The following ASIC2 variants were observed in gnomAD, a reference collection of about 807,000 sequenced individuals.
The protein encoded by ASIC2 is acid-sensing ion channel 2.
A neutral mutation model predicts 57.3 loss-of-function variants in ASIC2; 25 were observed. The ratio of observed to expected loss-of-function variants is 0.44; its 90% CI spans 0.32 to 0.61. ASIC2 has a LOEUF of 0.61. ASIC2 is among the 20% of genes least tolerant of loss of function. ASIC2 has a pLI of 0.06. For synonymous variants in ASIC2, 319 were observed against 307.5 expected (o/e 1.04, Z -0.39); for missense variants, 641 against 738.1 (o/e 0.87, Z 1.52).
At chr17:33,367,680 G>C (rs1398629326) in intron 1 of ASIC2, among the ~76,000 whole-genome samples, 2 of 152,136 alleles carry the variant, frequency 1.3e-5, no homozygotes, top group African/African-American at 4.8e-5. Flanking sequence ...TCATTAACAG[G>C]CTTGCTTTTC....
intron 1 of ASIC2, among the ~76,000 whole-genome samples, chr17:33,257,525 T>C (rs555493943): frequency 3.0e-4 from 46 of 152,234 alleles, no homozygotes; most frequent in Non-Finnish European, 4.7e-4. Flanking sequence ...AGCATGTTAG[T>C]TTCAGGGGCA....
chr17:33,095,748 G>C (rs1451224957), intron 2 of ASIC2, among the ~76,000 whole-genome samples: 1 of 152,190 alleles, frequency 6.6e-6, no homozygotes, highest in Non-Finnish European at 1.5e-5. Context: ...AGTCTGCCTG[G>C]ACCATCCCCT....
intron 1 of ASIC2, among the ~76,000 whole-genome samples, chr17:33,354,393 C>T (rs1908298774): frequency 6.6e-6 from 1 of 152,162 alleles, no homozygotes; most frequent in Admixed American, 6.5e-5. Context: ...AACTGGTCTT[C>T]TCACCTCCAC....
chr17:33,597,980 T>TATC (rs1459228513), intron 1 of ASIC2, among the ~76,000 whole-genome samples: 1 of 152,240 alleles, frequency 6.6e-6, no homozygotes, highest in African/African-American at 2.4e-5. Flanking sequence ...TCTCCGAATG[T>TATC]ATCTATTTTA....
intron 1 of ASIC2, among the ~76,000 whole-genome samples, chr17:33,163,148 G>A (rs1905209366): frequency 6.6e-6 from 1 of 152,186 alleles, no homozygotes; most frequent in African/African-American, 2.4e-5. Flanking sequence ...GTGGGGGAAA[G>A]CCCCAACTCT....
At chr17:33,748,340 T>C (rs1194272885) in intron 1 of ASIC2, among the ~76,000 whole-genome samples, 1 of 152,214 alleles carries the variant, frequency 6.6e-6, no homozygotes, top group Non-Finnish European at 1.5e-5. Flanking sequence ...TCCTTTCACC[T>C]CTTCCATCCT....
intron 1 of ASIC2, among the ~76,000 whole-genome samples, chr17:34,014,530 C>T (rs2142024004): frequency 6.6e-6 from 1 of 152,318 alleles, no homozygotes; most frequent in South Asian, 2.1e-4. Flanking sequence ...TTTTCTCAGG[C>T]TTTGGGTAGC....
intron 1 of ASIC2, among the ~76,000 whole-genome samples, chr17:33,605,904 G>A (rs1905221929): frequency 6.6e-6 from 1 of 152,130 alleles, no homozygotes; most frequent in African/African-American, 2.4e-5. Flanking sequence ...ACTGAGTCTC[G>A]GGCAAGCCTC....
At position 33,139,360 on chromosome 17, in the gene ASIC2, A is replaced by G. The variant is rs147021145; in HGVS notation, c.709-27293T>C. Among the ~76,000 whole-genome samples the G allele has an allele frequency of 3.4e-3, 518 of 152,284 alleles. 4 individuals are homozygous for G. Among genetic ancestry groups the G allele is most frequent in the Non-Finnish European group, 3.9e-3 (264 of 68,018 alleles). On this transcript the variant is annotated intron_variant, in intron 1 of 9. Coordinates refer to ENST00000225823, the MANE Select transcript of ASIC2 (RefSeq NM_183377.2). ...TGTTTCCAGTCCCTTCCCCAGATCT[A>G]TTCTTTCTCTGAAGCCCAAAGTAAA...
chr17:33,108,099 G>T (rs2092242344), intron 2 of ASIC2, among the ~76,000 whole-genome samples: 1 of 152,110 alleles, frequency 6.6e-6, no homozygotes, highest in South Asian at 2.1e-4. Flanking sequence ...AAAGCCAGTG[G>T]GTTTTATTTG....
At chr17:33,814,956 G>A (rs1473125993) in intron 1 of ASIC2, among the ~76,000 whole-genome samples, 1 of 152,188 alleles carries the variant, frequency 6.6e-6, no homozygotes, top group Non-Finnish European at 1.5e-5. Flanking sequence ...GGAAAAAAGT[G>A]CATATGTGTC....
intron 1 of ASIC2, among the ~76,000 whole-genome samples, chr17:33,639,966 G>A (rs1314324257): frequency 2.0e-4 from 31 of 152,096 alleles, no homozygotes; most frequent in Admixed American, 2.0e-3. Context: ...CCTGATACAA[G>A]GAAGTGACTG....
At chr17:33,649,273 T>C (rs1906846485) in intron 1 of ASIC2, among the ~76,000 whole-genome samples, 1 of 152,178 alleles carries the variant, frequency 6.6e-6, no homozygotes. Context: ...AATAAACACA[T>C]GGGCATTGAA....
At chr17:33,430,791 G>C (rs1006395819) in intron 1 of ASIC2, among the ~76,000 whole-genome samples, 1 of 152,194 alleles carries the variant, frequency 6.6e-6, no homozygotes, top group Non-Finnish European at 1.5e-5. Flanking sequence ...ACATAGATTA[G>C]ATGAAGGCAG....
chr17:33,720,675 T>C (rs981905404), intron 1 of ASIC2, among the ~76,000 whole-genome samples: 1 of 152,246 alleles, frequency 6.6e-6, no homozygotes, highest in Non-Finnish European at 1.5e-5. Flanking sequence ...GTAACTAGAC[T>C]GGCCAGGTTG....
chr17:33,556,713 G>C (rs542614159), intron 1 of ASIC2, among the ~76,000 whole-genome samples: 3 of 152,152 alleles, frequency 2.0e-5, no homozygotes, highest in Non-Finnish European at 4.4e-5. Context: ...TGTGGAATTT[G>C]GAGGTATATG....
chr17:33,790,692 A>T (rs1400230564), intron 1 of ASIC2, among the ~76,000 whole-genome samples: 1 of 152,108 alleles, frequency 6.6e-6, no homozygotes, highest in African/African-American at 2.4e-5. Flanking sequence ...ACACATACAC[A>T]CACACACATC....
intron 1 of ASIC2, among the ~76,000 whole-genome samples, chr17:33,377,577 C>A (rs1307216173): frequency 6.6e-6 from 1 of 152,198 alleles, no homozygotes; most frequent in Non-Finnish European, 1.5e-5. Flanking sequence ...AAGAGGAGTA[C>A]TTGTGATTTC....
intron 1 of ASIC2, among the ~76,000 whole-genome samples, chr17:34,014,649 G>A (rs963019203): frequency 6.6e-6 from 1 of 152,170 alleles, no homozygotes; most frequent in Non-Finnish European, 1.5e-5. Context: ...CAGAACAGAA[G>A]CCTAGAACAC....
Sources: allele counts gnomAD v4.1 joint callset (sites outside exome capture counted in the v4.1 genomes callset), GRCh38; gene constraint gnomAD v4.1.1; transcripts MANE v1.5; gene names NCBI Gene and HGNC (gene_info 2026-07-23, HGNC 2026-07-21).